Variants in CIMIP6 observed in about 807,000 individuals in gnomAD.
The protein encoded by CIMIP6 is uncharacterized protein C2orf73.
chr2:54,353,232 A>G, the CIMIP6 span, among the ~76,000 whole-genome samples: 1 of 152,134 alleles, frequency 6.6e-6, no homozygotes, highest in Non-Finnish European at 1.5e-5. Flanking sequence ...ATTTGCCCCA[A>G]CTGTTACTGT....
At chr2:54,356,182 T>C in the CIMIP6 span, among the ~76,000 whole-genome samples, 1 of 149,986 alleles carries the variant, frequency 6.7e-6, no homozygotes, top group South Asian at 2.1e-4. Flanking sequence ...GATAAGTCAG[T>C]ATCTTGATGT....
the CIMIP6 span, among the ~76,000 whole-genome samples, chr2:54,365,984 A>T: frequency 6.6e-6 from 1 of 152,222 alleles, no homozygotes; most frequent in Non-Finnish European, 1.5e-5. Context: ...GAAGGATATT[A>T]TACAAGGAAC....
At chr2:54,333,379 G>A in the CIMIP6 span, among the ~76,000 whole-genome samples, 1 of 152,150 alleles carries the variant, frequency 6.6e-6, no homozygotes, top group Non-Finnish European at 1.5e-5. Context: ...TGGGAGCTGG[G>A]GAAGAGCTGT....
chr2:54,330,906 C>A, the CIMIP6 span: 1 of 1,510,392 alleles, frequency 6.6e-7, no homozygotes, highest in Non-Finnish European at 9.1e-7. Context: ...CTTTGCGCAC[C>A]CTTTTCCTGG....
At chr2:54,371,182 T>A in the CIMIP6 span, among the ~76,000 whole-genome samples, 1 of 152,318 alleles carries the variant, frequency 6.6e-6, no homozygotes, top group Non-Finnish European at 1.5e-5. Context: ...AGAGGAAACA[T>A]GTCACTGCTC....
chr2:54,343,666 C>T, the CIMIP6 span: 13 of 1,340,982 alleles, frequency 9.7e-6, no homozygotes, highest in African/African-American at 1.5e-5. Context: ...TCAAGCAATA[C>T]ATGAAAATGC....
chr2:54,335,153 A>G, the CIMIP6 span: 6 of 705,750 alleles, frequency 8.5e-6, no homozygotes, highest in African/African-American at 1.8e-5. Context: ...CCAATAGTTA[A>G]AAGCAGTAAC....
At chr2:54,357,573 C>G in the CIMIP6 span, among the ~76,000 whole-genome samples, 1 of 115,726 alleles carries the variant, frequency 8.6e-6, no homozygotes, top group Admixed American at 1.1e-4. Flanking sequence ...TAAACTCTTA[C>G]GTACTTTTTT....
At chr2:54,371,917 G>A in the CIMIP6 span, among the ~76,000 whole-genome samples, 3 of 152,144 alleles carry the variant, frequency 2.0e-5, no homozygotes, top group East Asian at 1.9e-4. Context: ...TAACCCCTCC[G>A]GGTCTGGGTC....
the CIMIP6 span, chr2:54,330,965 C>A: frequency 3.7e-6 from 6 of 1,613,110 alleles, no homozygotes; most frequent in Non-Finnish European, 5.1e-6. Flanking sequence ...TGCCTGGTGC[C>A]GTAGAGGCCC....
the CIMIP6 span, among the ~76,000 whole-genome samples, chr2:54,342,765 G>A: frequency 6.6e-6 from 1 of 152,066 alleles, no homozygotes; most frequent in Non-Finnish European, 1.5e-5. Flanking sequence ...TTTTCAAAAG[G>A]CAGACTTGCT....
At chr2:54,352,292 AT>A in the CIMIP6 span, among the ~76,000 whole-genome samples, 1 of 151,844 alleles carries the variant, frequency 6.6e-6, no homozygotes, top group African/African-American at 2.4e-5. Context: ...AAAGCATTAA[AT>A]TTGTTTTATA....
chr2:54,356,148 A>G, the CIMIP6 span, among the ~76,000 whole-genome samples: 1 of 151,922 alleles, frequency 6.6e-6, no homozygotes, highest in Non-Finnish European at 1.5e-5. Flanking sequence ...ACTGTTAAAA[A>G]AAAAAAAAAA....
the CIMIP6 span, among the ~76,000 whole-genome samples, chr2:54,373,344 C>A: frequency 6.6e-6 from 1 of 152,026 alleles, no homozygotes; most frequent in Non-Finnish European, 1.5e-5. Context: ...CTTCACACCC[C>A]CCATGGCTGT....
chr2:54,370,464 C>T, the CIMIP6 span, among the ~76,000 whole-genome samples: 14 of 151,606 alleles, frequency 9.2e-5, no homozygotes, highest in East Asian at 3.9e-4. Context: ...CATGTAAAGA[C>T]GACTAGTAAA....
At chr2:54,377,854 A>T in the CIMIP6 span, among the ~76,000 whole-genome samples, 1 of 152,224 alleles carries the variant, frequency 6.6e-6, no homozygotes, top group Admixed American at 6.5e-5. Context: ...CCTTCATTTA[A>T]TAATATTTAT....
chr2:54,337,311 C>A, the CIMIP6 span, among the ~76,000 whole-genome samples: 2 of 152,178 alleles, frequency 1.3e-5, no homozygotes, highest in African/African-American at 2.4e-5. Context: ...GTTAAATGTT[C>A]TTTAATTTCA....
chr2:54,351,348 A>G, the CIMIP6 span, among the ~76,000 whole-genome samples: 1 of 152,230 alleles, frequency 6.6e-6, no homozygotes, highest in African/African-American at 2.4e-5. Context: ...AGCACTATTC[A>G]CAATAGCAAA....
the CIMIP6 span, among the ~76,000 whole-genome samples, chr2:54,367,519 A>G: frequency 1.3e-4 from 20 of 152,060 alleles, no homozygotes; most frequent in Non-Finnish European, 2.8e-4. Context: ...AAAAATATAT[A>G]TATTTATTGG....
Sources: allele counts gnomAD v4.1 joint callset (sites outside exome capture counted in the v4.1 genomes callset), GRCh38; gene constraint gnomAD v4.1.1; transcripts MANE v1.5; gene names NCBI Gene and HGNC (gene_info 2026-07-23, HGNC 2026-07-21).